LRRC61: variants seen among roughly 807,000 people sequenced by gnomAD.
The protein encoded by LRRC61 is leucine rich repeat containing 61.
A neutral mutation model predicts 15.1 loss-of-function variants in LRRC61; 9 were observed. That is an observed-to-expected ratio of 0.60 (90% confidence interval 0.36 to 1.04). The LOEUF (loss-of-function observed/expected upper bound fraction) is 1.04. Among genes scored for constraint, LRRC61 ranks in the 50% least tolerant of loss-of-function variants. LRRC61 has a pLI of 0.01. For missense variants in LRRC61, 344 were observed against 335.6 expected, an observed-to-expected ratio of 1.03 and a Z score of -0.20; for synonymous variants, 173 against 158.6, an observed-to-expected ratio of 1.09 and a Z score of -0.68.
rs759228971 is a variant in LRRC61 at position 150,330,956 on chromosome 7, G to A, written c.-145+4946G>A. ...TGGCCTCTGAGAGAAGCGGGGGCTC[G>A]CTGTCCACCAAGAGCCACTGGGCCA... On this transcript the variant is annotated intron_variant, in intron 2 of 2. Coordinates refer to ENST00000359623, the MANE Select transcript of LRRC61 (RefSeq NM_001142928.2). This position sits in a 1 kb window ranked among gnomAD's most constrained non-coding sequence, Gnocchi z 4.6. 23 of 1,611,786 alleles carry A rather than the reference G, an allele frequency of 1.4e-5. No homozygotes were observed. In the East Asian group the frequency reaches 3.8e-4, roughly 27 times the overall value.
chr7:150,336,206 T>C (rs191795335), intron 2 of LRRC61, among the ~76,000 whole-genome samples: 47 of 152,200 alleles, frequency 3.1e-4, no homozygotes, highest in African/African-American at 1.1e-3. Context: ...TGGAAACAAG[T>C]TTGAATTCAT....
chr7:150,328,563 C>T (rs1420089462), intron 2 of LRRC61: 1 of 152,202 alleles, frequency 6.6e-6, no homozygotes, highest in Non-Finnish European at 1.5e-5. Context: ...TCGTGCTTGT[C>T]CCATTCTAGC....
At chr7:150,313,888 A>T in the LRRC61 span, among the ~76,000 whole-genome samples, 6 of 152,198 alleles carry the variant, frequency 3.9e-5, no homozygotes, top group African/African-American at 1.4e-4. Flanking sequence ...CTTTCCCAGA[A>T]ATCTTTGGAG....
chr7:150,334,846 C>G (rs1335550840), intron 2 of LRRC61, among the ~76,000 whole-genome samples: 1 of 152,122 alleles, frequency 6.6e-6, no homozygotes, highest in African/African-American at 2.4e-5. Context: ...TGATGAAACC[C>G]CGTCTCTACT....
chr7:150,317,120 C>T, the LRRC61 span, among the ~76,000 whole-genome samples: 2 of 151,846 alleles, frequency 1.3e-5, no homozygotes, highest in African/African-American at 2.4e-5. Context: ...GGCGTGATCT[C>T]GGCTCACTGC....
rs200807108 is a variant in LRRC61 at position 150,336,931 on chromosome 7, C to T, written c.70C>T (p.Arg24Cys). The change falls in exon 3 of 3, where the codon CGC becomes TGC. Residue 24 changes from arginine (R) to cysteine (C), a missense_variant. Transcript: ENST00000359623. The part of the protein sequence containing the change: ...LQITPQLLKS[R>C]TGEFSLESIL... ...GATCACACCCCAGCTGCTGAAGTCA[C>T]GCACAGGCGAGTTCTCCCTGGAGTC... 1.2e-5 allele frequency: 19 copies of T among 1,613,856 alleles called. No homozygotes were observed. The highest frequency in any genetic ancestry group is 4.5e-5 in the East Asian group (2 of 44,880).
At chr7:150,319,895 C>T (rs1011014868), upstream of LRRC61, among the ~76,000 whole-genome samples, 2 of 152,180 alleles carry the variant, frequency 1.3e-5, no homozygotes, top group Non-Finnish European at 2.9e-5. Context: ...CCTAGCAAAA[C>T]GAGATGATTT....
the LRRC61 span, among the ~76,000 whole-genome samples, chr7:150,312,121 C>T: frequency 6.6e-6 from 1 of 152,166 alleles, no homozygotes; most frequent in Admixed American, 6.5e-5. Flanking sequence ...AAGGAAATAA[C>T]CAATGCCTCC....
upstream of LRRC61, among the ~76,000 whole-genome samples, chr7:150,321,358 T>C (rs547342918): frequency 1.3e-5 from 2 of 152,354 alleles, no homozygotes; most frequent in South Asian, 2.1e-4. Context: ...TACTGTAACA[T>C]GCTGTGTGAG....
the LRRC61 span, among the ~76,000 whole-genome samples, chr7:150,317,939 T>C: frequency 2.0e-5 from 3 of 151,842 alleles, no homozygotes; most frequent in African/African-American, 7.3e-5. Flanking sequence ...AAAGGAACTA[T>C]GGGATGTCTC....
chr7:150,317,598 G>A, the LRRC61 span, among the ~76,000 whole-genome samples: 1 of 152,068 alleles, frequency 6.6e-6, no homozygotes, highest in African/African-American at 2.4e-5. Context: ...TAAACCACCA[G>A]AACAACGTTA....
At chr7:150,321,937 C>T (rs1034861906), upstream of LRRC61, among the ~76,000 whole-genome samples, 1 of 152,134 alleles carries the variant, frequency 6.6e-6, no homozygotes, top group African/African-American at 2.4e-5. Flanking sequence ...GGAAGCCTGC[C>T]CCCGGGCCAG....
At position 150,335,563 on chromosome 7, in the gene LRRC61, G is replaced by C. The variant is rs1247099465; in HGVS notation, c.-144-1155G>C. 6.6e-6 allele frequency among the ~76,000 whole-genome samples: 1 copy of C among 152,190 alleles called. No homozygotes were observed. Among genetic ancestry groups the C allele is most frequent in the Non-Finnish European group, 1.5e-5 (1 of 68,040 alleles). ...GTTGATGGTGTGGGAGGAGCTAAGT[G>C]GATCAGGCTCTGGGCCTGGTTTCCT... On this transcript the variant is annotated intron_variant, in intron 2 of 2. Coordinates refer to ENST00000359623, the MANE Select transcript of LRRC61 (RefSeq NM_001142928.2). The surrounding 1 kb of genome is among the most constrained non-coding windows in gnomAD (Gnocchi z 4.3).
Position 150,335,877 on chromosome 7 carries a change from C to T in LRRC61, c.-144-841C>T, listed in dbSNP as rs377376149. On this transcript the variant is annotated intron_variant, in intron 2 of 2. Coordinates refer to ENST00000359623, the MANE Select transcript of LRRC61 (RefSeq NM_001142928.2). The surrounding 1 kb of genome is among the most constrained non-coding windows in gnomAD (Gnocchi z 4.3). ...CCCTGGCAATTTGATGTGCCCCTCC[C>T]GGCTTTCTGGAGCCACCCTTCCCTC... Among the ~76,000 whole-genome samples the T allele has an allele frequency of 5.9e-5, 9 of 152,236 alleles. No homozygotes were observed. Among genetic ancestry groups the T allele is most frequent in the African/African-American group, 1.7e-4 (7 of 41,458 alleles).
rs1039263020 is a variant in LRRC61 at position 150,330,157 on chromosome 7, G to T, written c.-145+4147G>T. On this transcript the variant is annotated intron_variant, in intron 2 of 2. Transcript: ENST00000359623. This position sits in a 1 kb window ranked among gnomAD's most constrained non-coding sequence, Gnocchi z 4.6. ...AGGGCCACCTGCAGCCATTTCTAAG[G>T]CTCTGTGGAGGCCCAGGGACTCCTC... The T allele has an allele frequency of 3.5e-6, 2 of 566,688 alleles. No homozygotes were observed. The highest frequency in any genetic ancestry group is 6.3e-6 in the Non-Finnish European group (2 of 318,638). The allele number at this position is 566,688 out of a possible 1,614,324, so 35.1% of individuals were successfully genotyped here.
rs1051174079 is a variant in LRRC61 at position 150,330,085 on chromosome 7, A to G, written c.-145+4075A>G. ...CACTGCCTCGACTCCCTGGTGAGAAACTTTCTGTGTCACCCTCACAGTGTC... is the reference window on the plus strand; with the variant it reads ...CACTGCCTCGACTCCCTGGTGAGAAGCTTTCTGTGTCACCCTCACAGTGTC... On this transcript the variant is annotated intron_variant, in intron 2 of 2. Transcript: ENST00000359623. This position sits in a 1 kb window ranked among gnomAD's most constrained non-coding sequence, Gnocchi z 4.6. The G allele has an allele frequency of 6.1e-6, 2 of 326,532 alleles. No individual in the cohort carries two copies. Among genetic ancestry groups the G allele is most frequent in the African/African-American group, 2.2e-5 (1 of 46,198 alleles). The allele number at this position is 326,532 out of a possible 1,614,324, so 20.2% of individuals were successfully genotyped here. A position where few individuals can be genotyped will look rare whatever the true frequency, so the allele number is the denominator to read the frequency against.
At chr7:150,322,491 G>A (rs1006552926), upstream of LRRC61, 14 of 152,226 alleles carry the variant, frequency 9.2e-5, no homozygotes, top group African/African-American at 3.1e-4. Flanking sequence ...ACTCCCACCA[G>A]CAAGCACCAT....
At chr7:150,331,278 G>A in intron 2 of LRRC61, 1 of 692,580 alleles carries the variant, frequency 1.4e-6, no homozygotes, top group Non-Finnish European at 2.4e-6. Context: ...TGGCCAAGGG[G>A]ATACAGACCC....
chr7:150,316,284 T>C, the LRRC61 span, among the ~76,000 whole-genome samples: 1 of 152,234 alleles, frequency 6.6e-6, no homozygotes, highest in Non-Finnish European at 1.5e-5. Context: ...ATTGGGCCTG[T>C]TTAAACTTTT....
Sources: gnomAD v4.1 joint callset for allele counts (sites outside exome capture counted in the v4.1 genomes callset) on GRCh38, gnomAD v4.1.1 for gene constraint, Gnocchi (gnomAD v3.1) non-coding constraint, MANE v1.5 for transcripts, NCBI Gene and HGNC (gene_info 2026-07-23, HGNC 2026-07-21) for gene names.